RDX: variants seen among roughly 807,000 people sequenced by gnomAD.
RDX encodes the protein radixin, also known as deafness, autosomal recessive 24.
RDX carries 32 observed loss-of-function variants against 83.7 expected under a neutral mutation model. The ratio of observed to expected loss-of-function variants is 0.38; its 90% CI spans 0.29 to 0.51. RDX has a LOEUF of 0.51. RDX is among the 20% of genes least tolerant of loss of function. The pLI is 0.87. For synonymous variants in RDX, 229 were observed against 222.7 expected, an observed-to-expected ratio of 1.03 and a Z score of -0.25; for missense variants, 600 against 689.9, an observed-to-expected ratio of 0.87 and a Z score of 1.46.
At chr11:110,205,062 A>G (rs1863552890) in intron 14 of RDX, among the ~76,000 whole-genome samples, 1 of 152,198 alleles carries the variant, frequency 6.6e-6, no homozygotes, top group Non-Finnish European at 1.5e-5. Context: ...GGATAGAAAC[A>G]CTGACCAATG....
In RDX at chr11:110,238,046, A is replaced by C. The variant is rs367647444; in HGVS notation, c.1091-394T>G. ...TTTATTTTTAAAAAATAATCTCTCC[A>C]TCTGAAGTTTTGACCTCAGTAAACA... On this transcript the variant is annotated intron_variant, in intron 10 of 13. Transcript: ENST00000645495. Among the ~76,000 whole-genome samples, 23 of 152,358 alleles carry C rather than the reference A, an allele frequency of 1.5e-4. No individual in the cohort carries two copies. In the East Asian group the frequency reaches 1.5e-3, roughly 10 times the overall value.
At chr11:110,191,555 C>T (rs183456979) in intron 15 of RDX, among the ~76,000 whole-genome samples, 2 of 152,282 alleles carry the variant, frequency 1.3e-5, no homozygotes, top group Admixed American at 6.5e-5. Flanking sequence ...TACTTGAAAC[C>T]TTAGCAAGAG....
At chr11:110,253,431 C>T (rs1045289240) in intron 9 of RDX, among the ~76,000 whole-genome samples, 1 of 152,034 alleles carries the variant, frequency 6.6e-6, no homozygotes, top group Non-Finnish European at 1.5e-5. Flanking sequence ...TATTCACTAC[C>T]ATTCAATTTT....
At chr11:110,222,193 G>C (rs1864273500) in intron 14 of RDX, among the ~76,000 whole-genome samples, 1 of 152,084 alleles carries the variant, frequency 6.6e-6, no homozygotes, top group Admixed American at 6.6e-5. Flanking sequence ...TTTCCTATCT[G>C]TATACATCTC....
intron 1 of RDX, among the ~76,000 whole-genome samples, chr11:110,288,834 G>A (rs966390940): frequency 5.3e-5 from 8 of 152,150 alleles, no homozygotes; most frequent in African/African-American, 1.9e-4. Flanking sequence ...TAATTTTTCT[G>A]TTGATTAGTG....
At position 110,289,729 on chromosome 11, in the gene RDX, C is replaced by T. The variant is rs181522895; in HGVS notation, c.-65+6738G>A. ...GTCAGGAGTTCAAGACCAGCCTAGC[C>T]AACACGGCGAAACTCCGTCTCTACT... On this transcript the variant is annotated intron_variant, in intron 1 of 13. Coordinates refer to ENST00000645495, the MANE Select transcript of RDX (RefSeq NM_002906.4). 1.4e-3 allele frequency among the ~76,000 whole-genome samples: 209 copies of T among 151,108 alleles called. 1 individual carries two copies. Among genetic ancestry groups the T allele is most frequent in the African/African-American group, 5.0e-3 (202 of 40,614 alleles).
intron 15 of RDX, among the ~76,000 whole-genome samples, chr11:110,186,638 G>A (rs1591498684): frequency 2.0e-5 from 3 of 152,040 alleles, no homozygotes; most frequent in South Asian, 4.2e-4. Context: ...AGTGAGTGAC[G>A]CCCCAGAAAC....
Position 110,237,486 on chromosome 11 carries a change from C to G in RDX, c.1251+6G>C. The G allele has an allele frequency of 6.2e-7, 1 of 1,612,000 alleles. No individual in the cohort carries two copies. Among genetic ancestry groups the G allele is most frequent in the Non-Finnish European group, 8.5e-7 (1 of 1,179,904 alleles). Reference sequence around the variant, plus strand: ...AACTTTTTTCTCTAAGAAGACAGTTCCTTACTAGCTGCTCCTGATTCTTCA... The same window carrying G: ...AACTTTTTTCTCTAAGAAGACAGTTGCTTACTAGCTGCTCCTGATTCTTCA... On this transcript the variant is annotated splice_donor_region_variant and intron_variant, in intron 11 of 13. Transcript: ENST00000645495.
downstream of RDX, among the ~76,000 whole-genome samples, chr11:110,229,060 T>C (rs1357180116): frequency 2.6e-5 from 4 of 151,956 alleles, no homozygotes; most frequent in Admixed American, 2.0e-4. Context: ...AATAAGAACA[T>C]GTACTTACAT....
At chr11:110,294,506 C>A (rs927573737) in intron 1 of RDX, among the ~76,000 whole-genome samples, 1 of 151,986 alleles carries the variant, frequency 6.6e-6, no homozygotes, top group African/African-American at 2.4e-5. Flanking sequence ...GAAGAAATCA[C>A]AACATGGAAT....
chr11:110,254,665 G>C (rs1179142760), intron 8 of RDX, among the ~76,000 whole-genome samples: 1 of 151,988 alleles, frequency 6.6e-6, no homozygotes, highest in Non-Finnish European at 1.5e-5. Context: ...CAGTAGAGAT[G>C]AAGTTTCACC....
intron 15 of RDX, among the ~76,000 whole-genome samples, chr11:110,198,488 A>G (rs1379196739): frequency 6.6e-6 from 1 of 152,224 alleles, no homozygotes; most frequent in Non-Finnish European, 1.5e-5. Flanking sequence ...TGGGTGGCAT[A>G]GCAAAAGCTG....
At chr11:110,239,033 C>T (rs986845566) in intron 10 of RDX, among the ~76,000 whole-genome samples, 1 of 151,616 alleles carries the variant, frequency 6.6e-6, no homozygotes, top group African/African-American at 2.4e-5. Context: ...AATCCCAGCA[C>T]TTTCGAAGGG....
At chr11:110,234,106 C>G (rs1312042503) in intron 12 of RDX, among the ~76,000 whole-genome samples, 1 of 152,120 alleles carries the variant, frequency 6.6e-6, no homozygotes, top group African/African-American at 2.4e-5. Flanking sequence ...CAAAAGTACT[C>G]CAGTTTAGAT....
At chr11:110,185,784 C>T (rs1032839392) in intron 15 of RDX, among the ~76,000 whole-genome samples, 1 of 152,212 alleles carries the variant, frequency 6.6e-6, no homozygotes, top group East Asian at 1.9e-4. Context: ...AGCCTGGCCT[C>T]TGTGAAACTA....
intron 14 of RDX, among the ~76,000 whole-genome samples, chr11:110,217,349 T>G (rs982047661): frequency 6.6e-6 from 1 of 152,216 alleles, no homozygotes; most frequent in Non-Finnish European, 1.5e-5. Flanking sequence ...GTGTTTGTGT[T>G]TTCCTACTGG....
chr11:110,258,867 C>CTTTTTT (rs11421586), intron 5 of RDX, among the ~76,000 whole-genome samples: 77 of 94,598 alleles, frequency 8.1e-4, no homozygotes, highest in Admixed American at 1.1e-3. Context: ...CAAATACATT[C>CTTTTTT]TTTTTTTTTT....
At chr11:110,264,655 T>A (rs1859947598) in intron 4 of RDX, 124 bp downstream of exon 4, 1 of 641,626 alleles carries the variant, frequency 1.6e-6, no homozygotes, top group Non-Finnish European at 2.7e-6. Context: ...ACATGGTACC[T>A]CATAATGATT....
At chr11:110,272,865 TA>T (rs1565327927) in intron 2 of RDX, 1 of 523,158 alleles carries the variant, frequency 1.9e-6, no homozygotes, top group South Asian at 1.7e-5. Flanking sequence ...TACTAGGAGA[TA>T]CTACCTTTAT....
Sources: gnomAD v4.1 joint callset for allele counts (sites outside exome capture counted in the v4.1 genomes callset) on GRCh38, gnomAD v4.1.1 for gene constraint, MANE v1.5 for transcripts, NCBI Gene and HGNC (gene_info 2026-07-23, HGNC 2026-07-21) for gene names.